BZW1: variants seen among roughly 807,000 people sequenced by gnomAD.
BZW1 encodes eIF5-mimic protein 2.
In BZW1, 3 loss-of-function variants were observed where a neutral mutation model predicts 54.1. The ratio of observed to expected loss-of-function variants is 0.06; its 90% confidence interval spans 0.03 to 0.14. BZW1 has a LOEUF of 0.14. Ranked by LOEUF, BZW1 falls within the 10% of genes least tolerant of loss-of-function variation. The pLI, the probability that BZW1 is intolerant of heterozygous loss-of-function variation, is 1.00. For missense variants in BZW1, 206 were observed against 491.7 expected (o/e 0.42, Z 5.50); for synonymous variants, 152 against 162.7 (o/e 0.93, Z 0.50).
intron 4 of BZW1, 72 bp from the exon 5 acceptor site, chr2:200,816,253 G>T (rs774303443): frequency 2.8e-6 from 3 of 1,089,382 alleles, no homozygotes; most frequent in South Asian, 3.4e-5. Context: ...AACTTACATC[G>T]AGTGAAAGGT....
upstream of BZW1, chr2:200,811,817 G>C (rs866623797): frequency 6.1e-6 from 1 of 162,836 alleles, no homozygotes; most frequent in Admixed American, 6.4e-5. Context: ...AGGCGGAAGC[G>C]CCTGTCCACG....
At position 200,825,289 on chromosome 2, in the gene BZW1, AC is replaced by A. The variant is rs1553604183; in HGVS notation, c.*3113del. 4.5e-5 allele frequency: 4 copies of A among 89,832 alleles called. No homozygotes were observed. Among genetic ancestry groups the A allele is most frequent in the Admixed American group, 2.2e-4 (2 of 9,158 alleles). The allele number at this position is 89,832 out of a possible 1,614,324, so 5.6% of individuals were successfully genotyped here. A position where few individuals can be genotyped will look rare whatever the true frequency, so the allele number is the denominator to read the frequency against. ...TGATCAGGCTGGTCTCAAACTCCTG[AC>A]CTCGTGGTCTGCCTGCCTTGGCCTC... On this transcript the variant is annotated 3_prime_UTR_variant, in exon 12 of 12. Coordinates refer to ENST00000409600, the MANE Select transcript of BZW1 (RefSeq NM_001207067.2).
rs2038081297 is a variant in BZW1 at position 200,811,974 on chromosome 2, T to C, written c.-27T>C. The C allele has an allele frequency of 1.7e-5, 6 of 346,804 alleles. No individual in the cohort carries two copies. Among genetic ancestry groups the C allele is most frequent in the Non-Finnish European group, 2.6e-5 (5 of 193,332 alleles). 21.5% of individuals were successfully genotyped at this position (346,804 alleles called of 1,614,324 possible). A position where few individuals can be genotyped will look rare whatever the true frequency, so the allele number is the denominator to read the frequency against. On this transcript the variant is annotated 5_prime_UTR_variant, in exon 1 of 12. Coordinates refer to ENST00000409600, the MANE Select transcript of BZW1 (RefSeq NM_001207067.2). ...ACATCGGGGATTTCTGGCTCTTTCC[T>C]CTTCGCCTTAAATTCGGTGAGACGC... is the stretch of plus-strand genomic sequence containing the variant.
chr2:200,817,933 A>G (rs1370147525), intron 6 of BZW1, 41 bp from the exon 7 acceptor site: 3 of 1,375,996 alleles, frequency 2.2e-6, no homozygotes, highest in Non-Finnish European at 3.0e-6. Context: ...GATTGAAACC[A>G]GGGAAGGTAC....
At position 200,826,397 on chromosome 2, in the gene BZW1, ATAGATAGATATTTTTTTTTTTT is replaced by A. The variant is rs1415818925; in HGVS notation, c.*4221_*4242del. On this transcript the variant is annotated 3_prime_UTR_variant, in exon 12 of 12. Coordinates refer to ENST00000409600, the MANE Select transcript of BZW1 (RefSeq NM_001207067.2). ...TATAGATAGATAGATAGATAGATAGATAGATAGATATTTTTTTTTTTTTTTTTTTTTTTTTTTTTTTTTTTGA... is the reference window on the plus strand; with the variant it reads ...TATAGATAGATAGATAGATAGATAGATTTTTTTTTTTTTTTTTTTTTTTGA... The A allele has an allele frequency of 9.5e-5, 6 of 63,402 alleles. No homozygotes were observed. The highest frequency in any genetic ancestry group is 3.2e-4 in the African/African-American group (6 of 18,514). The allele number at this position is 63,402 out of a possible 1,614,324, so 3.9% of individuals were successfully genotyped here.
chr2:200,813,489 C>T (rs746303669), intron 2 of BZW1: 11 of 427,976 alleles, frequency 2.6e-5, no homozygotes, highest in East Asian at 1.5e-4. Context: ...ATCAATATAT[C>T]TCTAAGCCGG....
chr2:200,818,755 A>G lies in BZW1; in HGVS notation c.820A>G (p.Ile274Val). Residue 274 changes from isoleucine to valine, a missense_variant and splice_region_variant, in exon 9 of 12, where the codon ATA becomes GTA. Transcript: ENST00000409600. ...TTACTAAATTTGGATTCATTTGCAG[A>G]TAATTTTATATGTCAAGGAGGAGAT... Reference protein sequence around the residue: ...QMSRGDPFKDIILYVKEEMKK... With the variant: ...QMSRGDPFKDVILYVKEEMKK... 1 of 1,577,498 alleles carries G rather than the reference A, an allele frequency of 6.3e-7. No homozygotes were observed. The highest frequency in any genetic ancestry group is 8.5e-7 in the Non-Finnish European group (1 of 1,170,942).
chr2:200,820,001 C>T lies in BZW1; in HGVS notation c.986C>T (p.Ala329Val). Residue 329 changes from alanine (A) to valine (V), a missense_variant, in exon 10 of 12, where the codon GCT becomes GTT. This residue lies in a region of BZW1 where 60 missense variants were observed against 151.8 expected (regional missense o/e 0.40). Coordinates refer to ENST00000409600, the MANE Select transcript of BZW1 (RefSeq NM_001207067.2). ...KHLKQYSPLL[A>V]AFTTQGQSEL... ...TAAAAGCAATACAGCCCTCTACTTG[C>T]TGCCTTTACTACTCAAGGTCAGTCT... is the stretch of plus-strand genomic sequence containing the variant. The T allele has an allele frequency of 3.3e-6, 5 of 1,522,322 alleles. No homozygotes were observed. Among genetic ancestry groups the T allele is most frequent in the Non-Finnish European group, 3.5e-6 (4 of 1,134,284 alleles). 94.3% of individuals were successfully genotyped at this position (1,522,322 alleles called of 1,614,324 possible).
At chr2:200,813,126 G>A (rs1218864074) in intron 1 of BZW1, 82 bp from the exon 2 acceptor site, 1 of 1,175,838 alleles carries the variant, frequency 8.5e-7, no homozygotes, top group Non-Finnish European at 1.2e-6. Flanking sequence ...TGATTCATAT[G>A]TGACTAGACT....
intron 1 of BZW1, chr2:200,812,579 G>T: frequency 7.1e-7 from 1 of 1,404,404 alleles, no homozygotes; most frequent in South Asian, 1.6e-5. Flanking sequence ...TCTGTGGCTC[G>T]GGCGGGAGGC....
At chr2:200,818,682 G>A in intron 8 of BZW1, 73 bp from the exon 9 acceptor site, 1 of 1,488,938 alleles carries the variant, frequency 6.7e-7, no homozygotes, top group Non-Finnish European at 9.0e-7. Context: ...TTTGTTAAAG[G>A]TCTAAACTTG....
chr2:200,826,397 ATAGATAGATATTTTTTTTTTTTT>A lies in BZW1; in HGVS notation c.*4221_*4243del, dbSNP rs2038695038. The stretch of plus-strand genomic sequence containing the variant: ...TATAGATAGATAGATAGATAGATAG[ATAGATAGATATTTTTTTTTTTTT>A]TTTTTTTTTTTTTTTTTTTTTTGAG... On this transcript the variant is annotated 3_prime_UTR_variant, in exon 12 of 12. Transcript: ENST00000409600. The A allele has an allele frequency of 4.7e-5, 3 of 63,338 alleles. No individual in the cohort carries two copies. The highest frequency in any genetic ancestry group is 1.6e-4 in the African/African-American group (3 of 18,448). The allele number at this position is 63,338 out of a possible 1,614,324, so 3.9% of individuals were successfully genotyped here.
chr2:200,817,904 G>T, intron 6 of BZW1, 70 bp from the exon 7 acceptor site: 9 of 1,057,892 alleles, frequency 8.5e-6, no homozygotes, highest in Non-Finnish European at 1.2e-5. Context: ...ATGAAGGGAA[G>T]GATATAGGGG....
intron 9 of BZW1, among the ~76,000 whole-genome samples, chr2:200,819,769 C>T (rs1433845991): frequency 2.6e-5 from 4 of 152,076 alleles, no homozygotes; most frequent in Admixed American, 1.3e-4. Flanking sequence ...CTCCTGACCT[C>T]AAGTGATCCA....
chr2:200,820,149 A>G (rs377250753), intron 10 of BZW1, 29 bp downstream of exon 10: 2 of 1,496,462 alleles, frequency 1.3e-6, no homozygotes, highest in Non-Finnish European at 1.8e-6. Context: ...TTTGTAAATA[A>G]CACTTAATAA....
intron 1 of BZW1, chr2:200,812,676 A>T (rs890020661): frequency 9.4e-7 from 1 of 1,068,704 alleles, no homozygotes; most frequent in Non-Finnish European, 1.4e-6. Flanking sequence ...GCTGGCTGTT[A>T]GTTTTGCAGG....
rs1249263205 is a variant in BZW1 at position 200,817,028 on chromosome 2, C to G, written c.403-78C>G. 3 of 1,503,076 alleles carry G rather than the reference C, an allele frequency of 2.0e-6. No homozygotes were observed. The African/African-American group carries it at 4.2e-5, about 21-fold the overall frequency. 93.1% of individuals were successfully genotyped at this position (1,503,076 alleles called of 1,614,324 possible). On this transcript the variant is annotated intron_variant, in intron 5 of 11. Transcript: ENST00000409600. ...CAGAGCCCACGTATTGAACAGGTAG[C>G]CAGTATAACATGCTTTACTGCTTCT...
chr2:200,818,407 T>C lies in BZW1; in HGVS notation c.819+14T>C. ...CCATTTAAGGATGTAAGTTTTTGTT[T>C]AAACCGTCTTTTTATGGCTAAGCTT... On this transcript the variant is annotated intron_variant, in intron 8 of 11. Transcript: ENST00000409600. The C allele has an allele frequency of 1.3e-6, 2 of 1,594,752 alleles. No homozygotes were observed. The highest frequency in any genetic ancestry group is 8.5e-7 in the Non-Finnish European group (1 of 1,175,736).
At position 200,826,027 on chromosome 2, in the gene BZW1, C is replaced by A. The variant is rs1006337687; in HGVS notation, c.*3849C>A. 1 of 152,134 alleles carries A rather than the reference C, an allele frequency of 6.6e-6. No individual in the cohort carries two copies. The highest frequency in any genetic ancestry group is 1.5e-5 in the Non-Finnish European group (1 of 68,018). 9.4% of individuals were successfully genotyped at this position (152,134 alleles called of 1,614,324 possible). A position where few individuals can be genotyped will look rare whatever the true frequency, so the allele number is the denominator to read the frequency against. On this transcript the variant is annotated 3_prime_UTR_variant, in exon 12 of 12. Coordinates refer to ENST00000409600, the MANE Select transcript of BZW1 (RefSeq NM_001207067.2). ...CTATTCCCCAGCCTACTAAGGCCTA[C>A]AGGTTAAAATACCAGGAATAAAAAG...
Sources: allele counts gnomAD v4.1 joint callset (sites outside exome capture counted in the v4.1 genomes callset), GRCh38; gene constraint gnomAD v4.1.1; regional missense constraint gnomAD v4.1.1; transcripts MANE v1.5; gene names NCBI Gene and HGNC (gene_info 2026-07-23, HGNC 2026-07-21).